COL4A1: variants seen among roughly 807,000 people sequenced by gnomAD.
The protein encoded by COL4A1 is collagen alpha-1(IV) chain.
A neutral mutation model predicts 216.6 loss-of-function variants in COL4A1; 40 were observed. The observed-to-expected ratio is 0.18, with a 90% CI of 0.14 to 0.24. The LOEUF is 0.24. Ranked by LOEUF, COL4A1 falls within the 10% of genes least tolerant of loss-of-function variation. The probability of loss-of-function intolerance (pLI) is 1.00; values close to 1 mark genes in which losing one functional copy is unlikely to be tolerated. For missense variants in COL4A1, 1,628 were observed against 2,196.8 expected (o/e 0.74, Z 5.18); for synonymous variants, 839 against 810.7 (o/e 1.03, Z -0.59).
intron 2 of COL4A1, among the ~76,000 whole-genome samples, chr13:110,236,528 C>T (rs184569596): frequency 2.0e-3 from 299 of 152,290 alleles, no homozygotes; most frequent in African/African-American, 6.7e-3. Context: ...AAAGAAGATG[C>T]CTCTTCCAGA....
At chr13:110,299,862 A>G (rs1441648183) in intron 1 of COL4A1, among the ~76,000 whole-genome samples, 1 of 152,206 alleles carries the variant, frequency 6.6e-6, no homozygotes, top group Non-Finnish European at 1.5e-5. Context: ...TTCTTTAAAA[A>G]ACTCTAAAAT....
chr13:110,280,743 C>G (rs1883597395), intron 1 of COL4A1, among the ~76,000 whole-genome samples: 1 of 152,134 alleles, frequency 6.6e-6, no homozygotes, highest in Non-Finnish European at 1.5e-5. Context: ...ATTCTGAGAA[C>G]TTGTAATCTT....
intron 12 of COL4A1, among the ~76,000 whole-genome samples, chr13:110,208,599 T>C (rs923490051): frequency 5.3e-5 from 8 of 152,220 alleles, no homozygotes; most frequent in Non-Finnish European, 1.0e-4. Flanking sequence ...GTACAGATAA[T>C]TGGAGTTAGT....
At chr13:110,200,086 T>A (rs1879109353) in intron 20 of COL4A1, among the ~76,000 whole-genome samples, 1 of 152,054 alleles carries the variant, frequency 6.6e-6, no homozygotes, top group African/African-American at 2.4e-5. Context: ...AAAACAAAAA[T>A]AAATGTAAAC....
In COL4A1 at chr13:110,202,960, C is replaced by G. The variant is rs142038455; in HGVS notation, c.999+606G>C. Among the ~76,000 whole-genome samples the G allele has an allele frequency of 6.0e-3, 917 of 152,250 alleles. 10 individuals are homozygous for G. Among genetic ancestry groups the G allele is most frequent in the African/African-American group, 0.021 (857 of 41,540 alleles). ...AGGCACAGTGGCTCATGCCTGTAAT[C>G]CCAGAACTTTGGGAGGCCAAGGTGG... On this transcript the variant is annotated intron_variant, in intron 18 of 51. Transcript: ENST00000375820.
chr13:110,238,545 T>G (rs1451584152), intron 2 of COL4A1, among the ~76,000 whole-genome samples: 1 of 152,236 alleles, frequency 6.6e-6, no homozygotes, highest in Non-Finnish European at 1.5e-5. Flanking sequence ...GATTTTATGC[T>G]CCAGGTCCCA....
intron 2 of COL4A1, 53 bp from the exon 3 acceptor site, chr13:110,214,068 A>G: frequency 1.3e-6 from 2 of 1,483,640 alleles, no homozygotes; most frequent in Non-Finnish European, 1.9e-6. Flanking sequence ...GAACAGAGGA[A>G]GGAATTGGTG....
chr13:110,183,250 C>A lies in COL4A1; in HGVS notation c.1924G>T (p.Val642Phe). The A allele has an allele frequency of 1.2e-6, 2 of 1,613,606 alleles. No individual in the cohort carries two copies. The highest frequency in any genetic ancestry group is 1.7e-6 in the Non-Finnish European group (2 of 1,179,966). The change falls in exon 27 of 52, where the codon GTT (valine) becomes TTT (phenylalanine). Residue 642 changes from valine to phenylalanine, a missense_variant. By Grantham distance (50) the Val-to-Phe change is conservative. This residue lies in a region of COL4A1 where 701 missense variants were observed against 892.5 expected (regional missense o/e 0.79). Transcript: ENST00000375820. ...PGPKGEPGKIVPLPGPPGAEG... is the reference protein window; with the variant it reads ...PGPKGEPGKIFPLPGPPGAEG... ...GCTCCAGGGGGGCCTGGTAAAGGAA[C>A]AATTTTTCCTGGTTCACCCTTTGGA... is the stretch of plus-strand genomic sequence containing the variant.
rs1027317262 is a variant in COL4A1 at position 110,207,328 on chromosome 13, A to G, written c.780+75T>C. The G allele has an allele frequency of 7.7e-7, 1 of 1,292,776 alleles. No homozygotes were observed. The highest frequency in any genetic ancestry group is 1.1e-6 in the Non-Finnish European group (1 of 886,920). 80.1% of individuals were successfully genotyped at this position (1,292,776 alleles called of 1,614,324 possible). Reference sequence around the variant, plus strand: ...ATGTAGCTGGAAAAACTGAGTTTTGACCCATTTTCTCTTTATCTTTTGGAA... The same window carrying G: ...ATGTAGCTGGAAAAACTGAGTTTTGGCCCATTTTCTCTTTATCTTTTGGAA... On this transcript the variant is annotated intron_variant, in intron 13 of 51. Coordinates refer to ENST00000375820, the MANE Select transcript of COL4A1 (RefSeq NM_001845.6). The surrounding 1 kb of genome is among the most constrained non-coding windows in gnomAD (Gnocchi z 4.4).
chr13:110,201,556 G>T (rs1222207560), intron 18 of COL4A1, 34 bp from the exon 19 acceptor site: 1 of 1,556,998 alleles, frequency 6.4e-7, no homozygotes, highest in South Asian at 1.1e-5. Context: ...TCATCCCGTG[G>T]CATGGGAATG....
At chr13:110,233,651 GGA>G (rs1483119955) in intron 2 of COL4A1, among the ~76,000 whole-genome samples, 1 of 152,162 alleles carries the variant, frequency 6.6e-6, no homozygotes, top group Non-Finnish European at 1.5e-5. Flanking sequence ...TTGAAGAAAA[GGA>G]GAGTCGTTTT....
At chr13:110,165,641 G>A (rs1415031776) in intron 45 of COL4A1, among the ~76,000 whole-genome samples, 2 of 150,228 alleles carry the variant, frequency 1.3e-5, no homozygotes, top group African/African-American at 4.9e-5. Context: ...CCACTTCTCA[G>A]GGCATGTGGT....
chr13:110,222,771 TTAAAAAAAAA>T (rs1384221322), intron 2 of COL4A1, among the ~76,000 whole-genome samples: 7 of 93,414 alleles, frequency 7.5e-5, no homozygotes, highest in African/African-American at 2.4e-4. Context: ...AGACTCTGCT[TTAAAAAAAAA>T]AAAAAAAAAA....
chr13:110,248,478 T>C (rs935068150), intron 1 of COL4A1, among the ~76,000 whole-genome samples: 2 of 152,178 alleles, frequency 1.3e-5, no homozygotes, highest in Non-Finnish European at 2.9e-5. Context: ...CTGAGGCAAG[T>C]TGGACAAAAC....
At chr13:110,247,792 T>C (rs1594086527) in intron 1 of COL4A1, among the ~76,000 whole-genome samples, 1 of 37,718 alleles carries the variant, frequency 2.7e-5, no homozygotes, top group Non-Finnish European at 6.1e-5. Flanking sequence ...ATGCTACTCG[T>C]GTGTGTGTGT....
At position 110,187,341 on chromosome 13, in the gene COL4A1, A is replaced by G. The variant is rs1878448842; in HGVS notation, c.1537-12T>C. On this transcript the variant is annotated splice_polypyrimidine_tract_variant and intron_variant, in intron 24 of 51. Coordinates refer to ENST00000375820, the MANE Select transcript of COL4A1 (RefSeq NM_001845.6). ...GTACCTTGAGGGCCCTGTAAGAACA[A>G]AGCCTTGTGATCCACAGAAGAACCC... 1.2e-6 allele frequency: 2 copies of G among 1,611,868 alleles called. No homozygotes were observed. Among genetic ancestry groups the G allele is most frequent in the Non-Finnish European group, 1.7e-6 (2 of 1,179,808 alleles).
Position 110,210,036 on chromosome 13 carries a change from G to A in COL4A1, c.559C>T (p.Pro187Ser). Residue 187 changes from proline (P) to serine (S), a missense_variant, in exon 10 of 52, where the codon CCA (proline) becomes TCA (serine). Transcript: ENST00000375820. ...FPGIPGTPGP[P>S]GLPGLQGPVG... ...GGACCTTGAAGCCCTGGCAGTCCTGGTGGGCCCTAGAATGCATGAGAAAGA... is the reference window on the plus strand; with the variant it reads ...GGACCTTGAAGCCCTGGCAGTCCTGATGGGCCCTAGAATGCATGAGAAAGA... The A allele has an allele frequency of 6.2e-7, 1 of 1,614,180 alleles. No individual in the cohort carries two copies.
intron 17 of COL4A1, among the ~76,000 whole-genome samples, chr13:110,204,906 G>A (rs115844461): frequency 5.8e-4 from 89 of 152,198 alleles, no homozygotes; most frequent in African/African-American, 2.1e-3. Flanking sequence ...TTACACTGAC[G>A]GCCATTGAAA....
rs150195657 is a variant in COL4A1 at position 110,239,736 on chromosome 13, A to T, written c.144+2939T>A. On this transcript the variant is annotated intron_variant, in intron 2 of 51. Coordinates refer to ENST00000375820, the MANE Select transcript of COL4A1 (RefSeq NM_001845.6). Reference sequence around the variant, plus strand: ...AGGTGGCAGGAAGTGCAGAAGGTAGAAGGTGGCAGCCACTGAGGAAGATCC... The same window carrying T: ...AGGTGGCAGGAAGTGCAGAAGGTAGTAGGTGGCAGCCACTGAGGAAGATCC... Among the ~76,000 whole-genome samples, 614 of 152,282 alleles carry T rather than the reference A, an allele frequency of 4.0e-3. 7 individuals carry two copies. Among genetic ancestry groups the T allele is most frequent in the African/African-American group, 0.014 (582 of 41,546 alleles).
Sources: allele counts gnomAD v4.1 joint callset (sites outside exome capture counted in the v4.1 genomes callset), GRCh38; gene constraint gnomAD v4.1.1; regional missense constraint gnomAD v4.1.1; non-coding constraint Gnocchi (gnomAD v3.1); transcripts MANE v1.5; gene names NCBI Gene and HGNC (gene_info 2026-07-23, HGNC 2026-07-21).